The following ATG16L2 variants were observed in gnomAD, a reference collection of about 807,000 sequenced individuals.
ATG16L2 encodes autophagy related 16 like 2, also known as protein Atg16l2.
ATG16L2 carries 77 observed loss-of-function variants against 84.7 expected under a neutral mutation model. That is an observed-to-expected ratio of 0.91 (90% CI 0.76 to 1.10). The LOEUF is 1.10. Among genes scored for constraint, ATG16L2 ranks in the 50% least tolerant of loss-of-function variants. ATG16L2 has a pLI of 0.00. For synonymous variants in ATG16L2, 361 were observed against 342.8 expected (o/e 1.05, Z -0.59); for missense variants, 782 against 817.6 (o/e 0.96, Z 0.53).
chr11:72,821,589 C>G (rs1250390004), intron 3 of ATG16L2, 79 bp from the exon 4 acceptor site: 1 of 1,504,682 alleles, frequency 6.6e-7, no homozygotes, highest in South Asian at 1.2e-5. Context: ...GCAGCCGACT[C>G]CCTTAGCGCC....
In ATG16L2 at chr11:72,825,416, C is replaced by A; in HGVS notation, c.1102+9C>A. ...CTGGAATGTTGTGGGAAGTAAGGAG[C>A]CCTCCCCTGCCGGCCAACTTGGTGC... On this transcript the variant is annotated intron_variant, in intron 10 of 17. Transcript: ENST00000321297. 6.2e-7 allele frequency: 1 copy of A among 1,606,788 alleles called. No homozygotes were observed. The highest frequency in any genetic ancestry group is 8.5e-7 in the Non-Finnish European group (1 of 1,177,304).
chr11:72,816,186 T>C (rs1859686818), intron 1 of ATG16L2: 1 of 152,596 alleles, frequency 6.6e-6, no homozygotes, highest in South Asian at 2.0e-4. Context: ...TTCACCGTGT[T>C]AGCCAGGATG....
chr11:72,821,223 G>A, intron 3 of ATG16L2: 1 of 992,402 alleles, frequency 1.0e-6, no homozygotes, highest in Non-Finnish European at 1.2e-6. Context: ...CCAGCCTCCT[G>A]GTGTGGTGAG....
At chr11:72,824,487 CTGA>C in intron 8 of ATG16L2, 1 of 569,870 alleles carries the variant, frequency 1.8e-6, no homozygotes, top group Non-Finnish European at 3.1e-6. Flanking sequence ...AACCCCGGCC[CTGA>C]GGTTTCTTTG....
At chr11:72,824,916 G>T in intron 9 of ATG16L2, 74 bp downstream of exon 9, 2 of 1,316,574 alleles carry the variant, frequency 1.5e-6, no homozygotes, top group Non-Finnish European at 1.0e-6. Context: ...CTCGGCACCA[G>T]GGGTGGTCCC....
intron 2 of ATG16L2, 50 bp from the exon 3 acceptor site, chr11:72,817,688 TCACTTGGGTGCCTTTGGG>T (rs1301770220): frequency 5.2e-5 from 78 of 1,487,092 alleles, no homozygotes; most frequent in Non-Finnish European, 7.3e-5. Context: ...TCATGTAGCA[TCACTTGGGTGCCTTTGGG>T]CACTTGGGTG....
chr11:72,835,538 C>A (rs756146519), intron 5 of ATG16L2, among the ~76,000 whole-genome samples: 1 of 152,152 alleles, frequency 6.6e-6, no homozygotes, highest in Non-Finnish European at 1.5e-5. Context: ...GATGAGGACA[C>A]AGGCTCAGTC....
Position 72,822,420 on chromosome 11 carries a change from G to T in ATG16L2, c.645-58G>T. On this transcript the variant is annotated intron_variant, in intron 5 of 17. Coordinates refer to ENST00000321297, the MANE Select transcript of ATG16L2 (RefSeq NM_033388.2). The surrounding 1 kb of genome is among the most constrained non-coding windows in gnomAD (Gnocchi z 4.2). ...CCCCTGGAGGAAGGGACCGGGTCTA[G>T]CCCCGCCTGCGTGCGAGGCGCCGCG... 1.2e-6 allele frequency: 2 copies of T among 1,610,032 alleles called. No homozygotes were observed. The highest frequency in any genetic ancestry group is 1.1e-5 in the South Asian group (1 of 90,668).
At chr11:72,830,468 C>G (rs1030346437), downstream of ATG16L2, among the ~76,000 whole-genome samples, 1 of 152,166 alleles carries the variant, frequency 6.6e-6, no homozygotes, top group Non-Finnish European at 1.5e-5. Context: ...CTTTCCCTTA[C>G]TATGGCCAGA....
rs757453631 is a variant in ATG16L2, at chr11:72,826,771, G to A, written c.1314G>A (p.Val438=). 8.1e-6 allele frequency: 13 copies of A among 1,613,940 alleles called. No homozygotes were observed. The highest frequency in any genetic ancestry group is 1.3e-5 in the African/African-American group (1 of 74,932). Residue 438 remains valine, a synonymous_variant, in exon 13 of 18, where the codon GTG becomes GTA. Transcript: ENST00000321297. ...TCAAGCTAACGAGGCACCAGGCAGT[G>A]ACTGGGAGCCGCGACCGGACAGTGA... ...AKFKLTRHQA[V]TGSRDRTVKE...
At chr11:72,821,493 C>G (rs747768845) in intron 3 of ATG16L2, 175 bp from the exon 4 acceptor site, 1 of 1,416,376 alleles carries the variant, frequency 7.1e-7, no homozygotes, top group African/African-American at 1.5e-5. Flanking sequence ...CCTTCCACTG[C>G]TCCACAAACA....
chr11:72,828,641 T>C (rs1860501721), intron 15 of ATG16L2, 88 bp from the exon 16 acceptor site: 3 of 1,596,422 alleles, frequency 1.9e-6, no homozygotes, highest in Admixed American at 1.7e-5. Context: ...ACCAAACCCC[T>C]CGACAAAGAG....
chr11:72,842,475 C>A (rs1860990532), intron 5 of ATG16L2: 2 of 885,560 alleles, frequency 2.3e-6, no homozygotes, highest in Non-Finnish European at 3.4e-6. Context: ...CTCTGGTTTC[C>A]CAAATGCAGT....
At chr11:72,823,570 A>T in intron 7 of ATG16L2, 1 of 422,192 alleles carries the variant, frequency 2.4e-6, no homozygotes, top group Non-Finnish European at 4.7e-6. Context: ...CCTGGTGTCC[A>T]GGCCTTGGGG....
downstream of ATG16L2, among the ~76,000 whole-genome samples, chr11:72,832,566 T>C (rs968537979): frequency 6.6e-6 from 1 of 152,182 alleles, no homozygotes; most frequent in Non-Finnish European, 1.5e-5. Flanking sequence ...GAGGTGAAAA[T>C]AGATGTTGAC....
intron 5 of ATG16L2, chr11:72,841,437 C>T (rs377117989): frequency 1.9e-6 from 3 of 1,608,786 alleles, no homozygotes; most frequent in Non-Finnish European, 1.7e-6. Context: ...TAGACCCATG[C>T]CCAGGAGAAC....
intron 3 of ATG16L2, chr11:72,821,399 C>A: frequency 7.9e-7 from 1 of 1,273,224 alleles, no homozygotes; most frequent in Non-Finnish European, 1.0e-6. Context: ...GTTGCTCTTG[C>A]CAGAGAGGTT....
At chr11:72,830,052 GT>G (rs2135129712), downstream of ATG16L2, among the ~76,000 whole-genome samples, 1 of 152,294 alleles carries the variant, frequency 6.6e-6, no homozygotes, top group East Asian at 1.9e-4. Context: ...CTTAGACTGG[GT>G]CCGCGTTCTT....
chr11:72,831,470 A>C (rs1311420828), downstream of ATG16L2, among the ~76,000 whole-genome samples: 1 of 152,190 alleles, frequency 6.6e-6, no homozygotes, highest in Non-Finnish European at 1.5e-5. Context: ...GCGCCATTGC[A>C]CTCTAGCCTG....
Sources: gnomAD v4.1 joint callset for allele counts (sites outside exome capture counted in the v4.1 genomes callset) on GRCh38, gnomAD v4.1.1 for gene constraint, Gnocchi (gnomAD v3.1) non-coding constraint, MANE v1.5 for transcripts, NCBI Gene and HGNC (gene_info 2026-07-23, HGNC 2026-07-21) for gene names.